Variants in ENOX1 observed in about 807,000 individuals in gnomAD.
The protein encoded by ENOX1 is ecto-NOX disulfide-thiol exchanger 1.
A neutral mutation model predicts 82.5 loss-of-function variants in ENOX1; 42 were observed. The ratio of observed to expected loss-of-function variants is 0.51; its 90% CI spans 0.40 to 0.66. The LOEUF is 0.66. ENOX1 is among the 30% of genes least tolerant of loss of function. The probability of loss-of-function intolerance (pLI) is 0.00; values close to 1 mark genes in which losing one functional copy is unlikely to be tolerated. For synonymous variants in ENOX1, 271 were observed against 282.2 expected (o/e 0.96, Z 0.40); for missense variants, 608 against 811.6 (o/e 0.75, Z 3.05).
intron 11 of ENOX1, among the ~76,000 whole-genome samples, chr13:43,319,251 A>G (rs2047678544): frequency 6.6e-6 from 1 of 152,200 alleles, no homozygotes; most frequent in African/African-American, 2.4e-5. Context: ...TTTCATTTTT[A>G]TCAGCATCTT....
At chr13:43,640,237 T>G (rs2083578569) in intron 2 of ENOX1, among the ~76,000 whole-genome samples, 1 of 152,196 alleles carries the variant, frequency 6.6e-6, no homozygotes, top group Non-Finnish European at 1.5e-5. Context: ...TTGAAAAATG[T>G]AATCTTTCTA....
At chr13:43,249,537 T>C (rs1197999068) in intron 14 of ENOX1, among the ~76,000 whole-genome samples, 1 of 152,206 alleles carries the variant, frequency 6.6e-6, no homozygotes, top group Non-Finnish European at 1.5e-5. Context: ...AAAGATTAAT[T>C]TTATTATGGT....
At chr13:43,290,530 A>G (rs1047480190) in intron 12 of ENOX1, among the ~76,000 whole-genome samples, 3 of 152,230 alleles carry the variant, frequency 2.0e-5, no homozygotes, top group African/African-American at 7.2e-5. Flanking sequence ...CTTCTCAATT[A>G]TAAGTGGGAG....
intron 2 of ENOX1, among the ~76,000 whole-genome samples, chr13:43,616,205 T>TATATATATA (rs1491279637): frequency 2.4e-3 from 14 of 5,916 alleles, no homozygotes; most frequent in African/African-American, 3.0e-3. Flanking sequence ...TATATATATA[T>TATATATATA]TTTTTTTTTT....
intron 16 of ENOX1, among the ~76,000 whole-genome samples, chr13:43,217,345 C>T (rs2041541311): frequency 6.6e-6 from 1 of 152,212 alleles, no homozygotes; most frequent in South Asian, 2.1e-4. Flanking sequence ...GATGCTCGGG[C>T]ACCCCCACAT....
intron 3 of ENOX1, among the ~76,000 whole-genome samples, chr13:43,438,900 C>T (rs1239352594): frequency 6.6e-6 from 1 of 152,150 alleles, no homozygotes; most frequent in Admixed American, 6.5e-5. Context: ...CGATCCATAG[C>T]TCTTTGAGTG....
chr13:43,499,668 T>C (rs2076912610), intron 2 of ENOX1, among the ~76,000 whole-genome samples: 2 of 151,838 alleles, frequency 1.3e-5, no homozygotes, highest in African/African-American at 4.8e-5. Context: ...CTTCTTCAAG[T>C]GCACAGACAC....
chr13:43,308,406 C>T (rs568392215), intron 11 of ENOX1, among the ~76,000 whole-genome samples: 81 of 152,286 alleles, frequency 5.3e-4, no homozygotes, highest in African/African-American at 1.8e-3. Flanking sequence ...CACCTCAACC[C>T]GTTTTGTCCT....
intron 8 of ENOX1, 135 bp from the exon 9 acceptor site, chr13:43,344,885 AGACT>A: frequency 1.2e-6 from 1 of 805,308 alleles, no homozygotes; most frequent in Non-Finnish European, 2.0e-6. Flanking sequence ...AGCTTTCCTG[AGACT>A]GACTGCCATA....
intron 8 of ENOX1, among the ~76,000 whole-genome samples, chr13:43,350,921 G>C (rs550147946): frequency 6.6e-6 from 1 of 152,290 alleles, no homozygotes; most frequent in East Asian, 1.9e-4. Context: ...TTTTATGTTT[G>C]AACGGAACGA....
intron 2 of ENOX1, among the ~76,000 whole-genome samples, chr13:43,623,193 C>T (rs929796700): frequency 3.9e-5 from 6 of 152,110 alleles, no homozygotes; most frequent in East Asian, 1.9e-4. Flanking sequence ...CCTCCAACTA[C>T]GAAAGAAAAG....
intron 2 of ENOX1, among the ~76,000 whole-genome samples, chr13:43,551,508 TTA>T (rs2079193754): frequency 6.6e-6 from 1 of 152,210 alleles, no homozygotes; most frequent in Admixed American, 6.5e-5. Context: ...GACCCATTTT[TTA>T]TCTTTTAAGA....
chr13:43,373,361 C>G (rs1248561125), intron 5 of ENOX1, among the ~76,000 whole-genome samples: 1 of 152,094 alleles, frequency 6.6e-6, no homozygotes, highest in Admixed American at 6.5e-5. Context: ...CCCCCAGGAC[C>G]TAAGATATTT....
intron 1 of ENOX1, among the ~76,000 whole-genome samples, chr13:43,706,562 A>AT (rs200368213): frequency 0.014 from 2,121 of 152,178 alleles, 16 homozygotes; most frequent in Middle Eastern, 0.041. Flanking sequence ...ACCATATGGT[A>AT]TTTTTCCCAA....
chr13:43,545,108 C>T (rs1410332625), intron 2 of ENOX1: 2 of 152,330 alleles, frequency 1.3e-5, no homozygotes, highest in East Asian at 3.9e-4. Context: ...CTCTCCTGAC[C>T]ACACAGCTGC....
rs2056116933 is a variant in ENOX1 at position 43,437,710 on chromosome 13, G to A, written c.-74-24722C>T. On this transcript the variant is annotated intron_variant, in intron 3 of 16. Transcript: ENST00000690772. ...GGGTTTATGGCGGACCGATTTCAGGGTCATCCATTCTTTTTCCCATTCATT... is the reference window on the plus strand; with the variant it reads ...GGGTTTATGGCGGACCGATTTCAGGATCATCCATTCTTTTTCCCATTCATT... Among the ~76,000 whole-genome samples, 3 of 152,138 alleles carry A rather than the reference G, an allele frequency of 2.0e-5. 1 individual carries two copies. In the South Asian group the frequency reaches 6.2e-4, roughly 32 times the overall value.
intron 10 of ENOX1, 146 bp downstream of exon 10, chr13:43,326,273 T>G: frequency 1.5e-6 from 1 of 679,184 alleles, no homozygotes. Context: ...GGAACAAATC[T>G]CAGCTGCATT....
At chr13:43,727,841 T>C (rs1399168389) in intron 1 of ENOX1, among the ~76,000 whole-genome samples, 1 of 152,228 alleles carries the variant, frequency 6.6e-6, no homozygotes, top group Non-Finnish European at 1.5e-5. Flanking sequence ...ATTGATACTT[T>C]CATTTTAAAG....
At chr13:43,261,434 T>A (rs1240557625) in intron 14 of ENOX1, among the ~76,000 whole-genome samples, 1 of 152,110 alleles carries the variant, frequency 6.6e-6, no homozygotes, top group Non-Finnish European at 1.5e-5. Flanking sequence ...CAGAAACAAA[T>A]ATGAGATGCA....
Sources: gnomAD v4.1 joint callset for allele counts (sites outside exome capture counted in the v4.1 genomes callset) on GRCh38, gnomAD v4.1.1 for gene constraint, MANE v1.5 for transcripts, NCBI Gene and HGNC (gene_info 2026-07-23, HGNC 2026-07-21) for gene names.